The following CNDP1 variants were observed in gnomAD, a reference collection of about 807,000 sequenced individuals.
CNDP1 encodes carnosine dipeptidase 1.
CNDP1 carries 44 observed loss-of-function variants against 58.1 expected under a neutral mutation model. That is an observed-to-expected ratio of 0.76 (90% CI 0.60 to 0.97). The LOEUF is 0.97. Ranked by LOEUF, CNDP1 falls within the 50% of genes least tolerant of loss-of-function variation. The probability of loss-of-function intolerance (pLI) is 0.00; values close to 1 mark genes in which losing one functional copy is unlikely to be tolerated. For synonymous variants in CNDP1, 254 were observed against 252.6 expected (o/e 1.01, Z -0.05); for missense variants, 616 against 655.1 (o/e 0.94, Z 0.65).
chr18:74,544,315 G>T (rs549942542), intron 1 of CNDP1, among the ~76,000 whole-genome samples: 22 of 152,288 alleles, frequency 1.4e-4, no homozygotes, highest in Non-Finnish European at 3.2e-4. Flanking sequence ...CAGTACATAG[G>T]CTCTTGGGGC....
At chr18:74,579,334 TC>T (rs1407517910) in intron 9 of CNDP1, among the ~76,000 whole-genome samples, 1 of 63,838 alleles carries the variant, frequency 1.6e-5, no homozygotes, top group Non-Finnish European at 3.1e-5. Flanking sequence ...CCCCTCTCCA[TC>T]CCCTCCCCCT....
rs565156580 is a variant in CNDP1 at position 74,573,431 on chromosome 18, A to ATTCATCCATCCATCCATTTATGTAT, written c.841+2161_841+2162insTTCATCCATCCATCCATTTATGTAT. Among the ~76,000 whole-genome samples the ATTCATCCATCCATCCATTTATGTAT allele has an allele frequency of 7.9e-3, 1,120 of 141,828 alleles. 37 individuals carry two copies. In the East Asian group the frequency reaches 0.085, roughly 11 times the overall value. The allele number at this position is 141,828 out of a possible 152,430, so 93.0% of individuals were successfully genotyped here. On this transcript the variant is annotated intron_variant, in intron 7 of 11. Coordinates refer to ENST00000358821, the MANE Select transcript of CNDP1 (RefSeq NM_032649.6). ...CCATTATCATCTATCCATCCATCCA[A>ATTCATCCATCCATCCATTTATGTAT]CTATCTATCTATGTATCTATGTATC... is the stretch of plus-strand genomic sequence containing the variant.
At chr18:74,539,329 G>A (rs900350494) in intron 1 of CNDP1, among the ~76,000 whole-genome samples, 2 of 152,148 alleles carry the variant, frequency 1.3e-5, no homozygotes, top group Non-Finnish European at 2.9e-5. Flanking sequence ...TTTCTAAGTA[G>A]GCACGTGCTA....
At chr18:74,546,732 CG>C (rs1280725436) in intron 1 of CNDP1, among the ~76,000 whole-genome samples, 2 of 152,204 alleles carry the variant, frequency 1.3e-5, no homozygotes, top group Non-Finnish European at 2.9e-5. Context: ...CCCCTGGCTT[CG>C]GCAGTCTCTG....
At chr18:74,568,199 A>G (rs916391401) in intron 6 of CNDP1, among the ~76,000 whole-genome samples, 1 of 152,188 alleles carries the variant, frequency 6.6e-6, no homozygotes, top group African/African-American at 2.4e-5. Flanking sequence ...TCCATGCTGT[A>G]TCCAATCCCT....
chr18:74,565,570 A>C (rs1250497668), intron 5 of CNDP1, among the ~76,000 whole-genome samples: 1 of 152,208 alleles, frequency 6.6e-6, no homozygotes, highest in Non-Finnish European at 1.5e-5. Context: ...TCTGAAATCC[A>C]GGGGTCAAAC....
At chr18:74,570,985 A>C (rs1172399108) in intron 6 of CNDP1, among the ~76,000 whole-genome samples, 4 of 152,162 alleles carry the variant, frequency 2.6e-5, no homozygotes, top group Non-Finnish European at 5.9e-5. Flanking sequence ...GGGATTCAAG[A>C]GATGGTGGGA....
intron 7 of CNDP1, among the ~76,000 whole-genome samples, chr18:74,573,452 GTATCTATC>G (rs1171454745): frequency 5.0e-5 from 5 of 99,862 alleles, no homozygotes; most frequent in South Asian, 6.5e-4. Context: ...ATGTATCTAT[GTATCTATC>G]TATCTATCTA....
Position 74,556,323 on chromosome 18 carries a change from G to A in CNDP1, c.25-15G>A. ...ATTGATTTTCATTCGTTCCTCCCAT[G>A]TCAAACCCTTCCAGGCTGCGTCCCT... On this transcript the variant is annotated splice_polypyrimidine_tract_variant and intron_variant, in intron 1 of 11. Coordinates refer to ENST00000358821, the MANE Select transcript of CNDP1 (RefSeq NM_032649.6). 6.2e-7 allele frequency: 1 copy of A among 1,611,620 alleles called. No individual in the cohort carries two copies. The highest frequency in any genetic ancestry group is 1.1e-5 in the South Asian group (1 of 90,596).
intron 1 of CNDP1, among the ~76,000 whole-genome samples, chr18:74,546,836 G>C (rs535665143): frequency 6.6e-6 from 1 of 152,332 alleles, no homozygotes; most frequent in East Asian, 1.9e-4. Flanking sequence ...GCCATTTCAC[G>C]TGGTGTGTGG....
chr18:74,580,394 C>A, intron 10 of CNDP1, 123 bp downstream of exon 10: 1 of 985,656 alleles, frequency 1.0e-6, no homozygotes, highest in Non-Finnish European at 1.5e-6. Context: ...TAATACAGAG[C>A]ACATTGTTGA....
intron 10 of CNDP1, among the ~76,000 whole-genome samples, chr18:74,581,228 GT>G (rs1266049446): frequency 1.6e-5 from 2 of 126,626 alleles, no homozygotes; most frequent in Non-Finnish European, 3.7e-5. Context: ...CTGTGTGTGT[GT>G]GTGTGTGTGT....
intron 2 of CNDP1, among the ~76,000 whole-genome samples, chr18:74,556,719 G>A (rs1981050846): frequency 6.6e-6 from 1 of 152,300 alleles, no homozygotes; most frequent in South Asian, 2.1e-4. Flanking sequence ...TGTCCACACA[G>A]AGATGACCAG....
Position 74,545,188 on chromosome 18 carries a change from T to G in CNDP1, c.24+10497T>G, listed in dbSNP as rs1392905957. Among the ~76,000 whole-genome samples, 1 of 152,276 alleles carries G rather than the reference T, an allele frequency of 6.6e-6. No homozygotes were observed. Among genetic ancestry groups the G allele is most frequent in the Non-Finnish European group, 1.5e-5 (1 of 68,052 alleles). On this transcript the variant is annotated intron_variant, in intron 1 of 11. Transcript: ENST00000358821. This position sits in a 1 kb window ranked among gnomAD's most constrained non-coding sequence, Gnocchi z 4.1. ...TTTGGGATGCTTTGTTCCAGCAGCC[T>G]GAGGAAGCTAGTGGAGACCGATGGG...
chr18:74,550,038 G>A (rs1042268618), intron 1 of CNDP1, among the ~76,000 whole-genome samples: 5 of 152,222 alleles, frequency 3.3e-5, no homozygotes, highest in Non-Finnish European at 5.9e-5. Context: ...AGAGGTGGAG[G>A]GGTGGAGCCC....
intron 7 of CNDP1, chr18:74,576,274 C>A (rs569966446): frequency 6.6e-6 from 1 of 151,824 alleles, no homozygotes; most frequent in East Asian, 1.9e-4. Flanking sequence ...CAATGATCCT[C>A]CCACCTCAGC....
chr18:74,560,306 G>GTAAT (rs1436652751), intron 3 of CNDP1, among the ~76,000 whole-genome samples: 4 of 152,196 alleles, frequency 2.6e-5, no homozygotes, highest in Non-Finnish European at 5.9e-5. Flanking sequence ...GAGCCACCGT[G>GTAAT]CCCGGCCCGT....
At chr18:74,558,266 G>C (rs981758930) in intron 2 of CNDP1, among the ~76,000 whole-genome samples, 1 of 152,154 alleles carries the variant, frequency 6.6e-6, no homozygotes, top group Admixed American at 6.5e-5. Flanking sequence ...GCATGTGAGT[G>C]GTTCTTATCA....
At chr18:74,574,990 A>G (rs1981589060) in intron 7 of CNDP1, among the ~76,000 whole-genome samples, 1 of 143,724 alleles carries the variant, frequency 7.0e-6, no homozygotes, top group Non-Finnish European at 1.5e-5. Context: ...AACAGAGAAA[A>G]GGAAGAAAGG....
Sources: gnomAD v4.1 joint callset for allele counts (sites outside exome capture counted in the v4.1 genomes callset) on GRCh38, gnomAD v4.1.1 for gene constraint, Gnocchi (gnomAD v3.1) non-coding constraint, MANE v1.5 for transcripts, NCBI Gene and HGNC (gene_info 2026-07-23, HGNC 2026-07-21) for gene names.